The following FOXN3 variants were observed in gnomAD, a reference collection of about 807,000 sequenced individuals.
FOXN3 encodes the protein forkhead box N3, also known as forkhead box protein N3.
A neutral mutation model predicts 38.4 loss-of-function variants in FOXN3; 7 were observed. The ratio of observed to expected loss-of-function variants is 0.18; its 90% CI spans 0.10 to 0.34. FOXN3 has a LOEUF of 0.34. Ranked by LOEUF, FOXN3 falls within the 10% of genes least tolerant of loss-of-function variation. The pLI, the probability that FOXN3 is intolerant of heterozygous loss-of-function variation, is 1.00. For missense variants in FOXN3, 456 were observed against 613.4 expected (o/e 0.74, Z 2.71); for synonymous variants, 230 against 242.2 (o/e 0.95, Z 0.47).
At chr14:89,204,052 TACACAC>T (rs10559428) in intron 4 of FOXN3, among the ~76,000 whole-genome samples, 33,998 of 133,270 alleles carry the variant, frequency 0.26, 4,292 homozygotes, top group Non-Finnish European at 0.28. Context: ...CATACTCCCT[TACACAC>T]ACACACACAC....
chr14:89,286,904 C>T (rs938609455), intron 3 of FOXN3, among the ~76,000 whole-genome samples: 6 of 152,092 alleles, frequency 3.9e-5, no homozygotes, highest in Non-Finnish European at 8.8e-5. Flanking sequence ...TCTAACCTTC[C>T]AAAGAAGCTT....
intron 3 of FOXN3, among the ~76,000 whole-genome samples, chr14:89,326,700 C>T (rs28505910): frequency 2.6e-5 from 4 of 151,900 alleles, no homozygotes; most frequent in African/African-American, 4.8e-5. Context: ...GTAAACATTG[C>T]TGTCAAAAAA....
intron 1 of FOXN3, among the ~76,000 whole-genome samples, chr14:89,590,701 C>G (rs1267793367): frequency 6.6e-6 from 1 of 152,212 alleles, no homozygotes; most frequent in East Asian, 1.9e-4. Context: ...TAGAATTCCT[C>G]TTCCCCAAAG....
At chr14:89,270,787 A>C (rs2139903863) in intron 4 of FOXN3, among the ~76,000 whole-genome samples, 1 of 152,312 alleles carries the variant, frequency 6.6e-6, no homozygotes, top group South Asian at 2.1e-4. Context: ...ATAGCAGCTC[A>C]AAGAGGGTTA....
chr14:89,280,954 G>T lies in FOXN3; in HGVS notation c.741C>A (p.Leu247=). ...STFFKRNGAL[L]QVPPGVIQNG... is the part of the protein sequence containing the mutation. ...GGGGTGTTACTAGGGACCTACCTTG[G>T]AGAAGGGCTCCATTTCTCTTGAAGA... is the stretch of plus-strand genomic sequence containing the variant. The change falls in exon 4 of 6, where the codon CTC becomes CTA. Residue 247 remains leucine, a synonymous_variant. Coordinates refer to ENST00000557258, the MANE Select transcript of FOXN3 (RefSeq NM_005197.4). The T allele has an allele frequency of 6.2e-7, 1 of 1,613,710 alleles. No homozygotes were observed. The highest frequency in any genetic ancestry group is 1.1e-5 in the South Asian group (1 of 90,944).
chr14:89,349,290 G>C (rs1156634139), intron 3 of FOXN3, among the ~76,000 whole-genome samples: 3 of 152,106 alleles, frequency 2.0e-5, no homozygotes, highest in Non-Finnish European at 1.5e-5. Flanking sequence ...GGGCTGCTTT[G>C]GAAAATCCCA....
At chr14:89,393,528 C>CT (rs1463048978) in intron 2 of FOXN3, among the ~76,000 whole-genome samples, 1 of 152,192 alleles carries the variant, frequency 6.6e-6, no homozygotes, top group Non-Finnish European at 1.5e-5. Flanking sequence ...CTCTGAAGTG[C>CT]TGAGGGTGAG....
intron 3 of FOXN3, among the ~76,000 whole-genome samples, chr14:89,339,840 G>T (rs1888565272): frequency 6.6e-6 from 1 of 152,224 alleles, no homozygotes; most frequent in Non-Finnish European, 1.5e-5. Context: ...CTGGGGGCTG[G>T]TGAATGCACC....
intron 1 of FOXN3, among the ~76,000 whole-genome samples, chr14:89,495,470 T>C (rs1056157982): frequency 6.6e-6 from 1 of 152,180 alleles, no homozygotes; most frequent in African/African-American, 2.4e-5. Context: ...CACACCTTAC[T>C]GGTTAAAGAA....
At chr14:89,441,206 C>T (rs1345571577) in intron 1 of FOXN3, among the ~76,000 whole-genome samples, 2 of 152,132 alleles carry the variant, frequency 1.3e-5, no homozygotes, top group African/African-American at 2.4e-5. Context: ...CTCCCTGCCT[C>T]GATTCAGAAT....
intron 1 of FOXN3, among the ~76,000 whole-genome samples, chr14:89,505,485 C>A (rs954776251): frequency 3.2e-4 from 49 of 152,144 alleles, no homozygotes; most frequent in African/African-American, 1.2e-3. Flanking sequence ...CTGTGTTGGC[C>A]GGGCTGGTCT....
intron 2 of FOXN3, among the ~76,000 whole-genome samples, chr14:89,386,134 G>A (rs1468564560): frequency 1.3e-5 from 2 of 152,210 alleles, no homozygotes; most frequent in Non-Finnish European, 2.9e-5. Flanking sequence ...GCACACGGGG[G>A]AGCTCGGGAG....
intron 3 of FOXN3, among the ~76,000 whole-genome samples, chr14:89,322,180 G>T (rs774764788): frequency 3.3e-5 from 5 of 152,104 alleles, no homozygotes; most frequent in Non-Finnish European, 5.9e-5. Flanking sequence ...GCTCTTACAG[G>T]GCAACTGTTA....
chr14:89,352,515 G>A lies in FOXN3; in HGVS notation c.544-1707C>T, dbSNP rs554976133. ...ACCACCAAATCCTGTCAACAGTAGGGGTCTGGCCTGATTCCATCAAAGGCT... is the reference window on the plus strand; with the variant it reads ...ACCACCAAATCCTGTCAACAGTAGGAGTCTGGCCTGATTCCATCAAAGGCT... On this transcript the variant is annotated intron_variant, in intron 2 of 5. Coordinates refer to ENST00000557258, the MANE Select transcript of FOXN3 (RefSeq NM_005197.4). Among the ~76,000 whole-genome samples, 108 of 152,238 alleles carry A rather than the reference G, an allele frequency of 7.1e-4. 1 individual carries two copies. Among genetic ancestry groups the A allele is most frequent in the Middle Eastern group, 3.4e-3 (1 of 294 alleles).
chr14:89,323,746 C>CAAAAAAT (rs1887962299), intron 3 of FOXN3, among the ~76,000 whole-genome samples: 9 of 76,210 alleles, frequency 1.2e-4, no homozygotes, highest in African/African-American at 3.4e-4. Flanking sequence ...AAACAAAAAA[C>CAAAAAAT]GGAGAGGACC....
In FOXN3 at chr14:89,598,755, A is replaced by G. The variant is rs1214199556; in HGVS notation, c.-15+20273T>C. 2.0e-5 allele frequency among the ~76,000 whole-genome samples: 3 copies of G among 152,178 alleles called. No individual in the cohort carries two copies. The East Asian group carries it at 5.8e-4, about 29-fold the overall frequency. The stretch of plus-strand genomic sequence containing the variant: ...CAGTTGTCAGTCTTATTTTTCCTTT[A>G]AAGATAAGAGGTACCCACTCCCCAA... On this transcript the variant is annotated intron_variant, in intron 1 of 6. Coordinates refer to the FOXN3 transcript ENST00000345097.
chr14:89,477,389 G>C (rs1236982862), intron 1 of FOXN3, among the ~76,000 whole-genome samples: 3 of 152,074 alleles, frequency 2.0e-5, no homozygotes, highest in African/African-American at 7.2e-5. Context: ...ATCTTTTCTA[G>C]GGTGTTATAA....
At chr14:89,182,552 C>T (rs749857728) in intron 4 of FOXN3, among the ~76,000 whole-genome samples, 8 of 152,252 alleles carry the variant, frequency 5.3e-5, no homozygotes, top group East Asian at 1.9e-4. Flanking sequence ...GCCTGATTTC[C>T]GCTAACAGAC....
chr14:89,225,577 C>A (rs1884610795), intron 4 of FOXN3, among the ~76,000 whole-genome samples: 1 of 152,006 alleles, frequency 6.6e-6, no homozygotes, highest in Admixed American at 6.6e-5. Flanking sequence ...ACACTCCAGC[C>A]TGGGCGACAG....
Sources: allele counts gnomAD v4.1 joint callset (sites outside exome capture counted in the v4.1 genomes callset), GRCh38; gene constraint gnomAD v4.1.1; transcripts MANE v1.5; gene names NCBI Gene and HGNC (gene_info 2026-07-23, HGNC 2026-07-21).